Variants in LYST observed in about 807,000 individuals in gnomAD.
The protein encoded by LYST is lysosomal-trafficking regulator.
Under a neutral mutation model 413.6 loss-of-function variants are expected in LYST, and 192 were observed. The ratio of observed to expected loss-of-function variants is 0.46; its 90% CI spans 0.41 to 0.52. The LOEUF is 0.52. Ranked by LOEUF, LYST falls within the 20% of genes least tolerant of loss-of-function variation. The pLI, the probability that LYST is intolerant of heterozygous loss-of-function variation, is 0.00. For synonymous variants in LYST, 1,525 were observed against 1,567.3 expected (o/e 0.97, Z 0.64); for missense variants, 3,815 against 4,499.9 (o/e 0.85, Z 4.35).
chr1:235,772,212 G>GTGC (rs1471650769), intron 19 of LYST, among the ~76,000 whole-genome samples: 1 of 152,016 alleles, frequency 6.6e-6, no homozygotes, highest in African/African-American at 2.4e-5. Flanking sequence ...GTGACAGAGT[G>GTGC]TGCTCCTGTT....
chr1:235,733,528 G>C lies in LYST; in HGVS notation c.8776C>G (p.Leu2926Val). 2 of 1,613,974 alleles carry C rather than the reference G, an allele frequency of 1.2e-6. No individual in the cohort carries two copies. The highest frequency in any genetic ancestry group is 1.7e-6 in the Non-Finnish European group (2 of 1,179,934). ...DLSASRHWQE[L>V]IQQLTHDRAV... ...CTATCATGTGTCAGCTGCTGAATAA[G>C]TTCCTGCCAATGTCTGCTGGCACTC... Residue 2926 changes from leucine to valine, a missense_variant, in exon 34 of 53, where the codon CTT becomes GTT. Coordinates refer to ENST00000389793, the MANE Select transcript of LYST (RefSeq NM_000081.4).
At chr1:235,768,553 A>G (rs1668356906) in intron 20 of LYST, among the ~76,000 whole-genome samples, 1 of 152,108 alleles carries the variant, frequency 6.6e-6, no homozygotes, top group African/African-American at 2.4e-5. Context: ...AATGGCTGTT[A>G]ATTTGATAAG....
In LYST at chr1:235,717,892, A is replaced by AT. The variant is rs1008942971; in HGVS notation, c.9561-1115dup. Among the ~76,000 whole-genome samples, 679 of 144,454 alleles carry AT rather than the reference A, an allele frequency of 4.7e-3. 1 individual carries two copies. Among genetic ancestry groups the AT allele is most frequent in the African/African-American group, 0.014 (549 of 39,734 alleles). The allele number at this position is 144,454 out of a possible 152,430, so 94.8% of individuals were successfully genotyped here. A position where few individuals can be genotyped will look rare whatever the true frequency, so the allele number is the denominator to read the frequency against. On this transcript the variant is annotated intron_variant, in intron 40 of 52. Coordinates refer to ENST00000389793, the MANE Select transcript of LYST (RefSeq NM_000081.4). The stretch of plus-strand genomic sequence containing the variant: ...AAAATCACTTAAGATGGCTGCCTAC[A>AT]TTTTTTTTTTTTTCACTCTGGAGTG...
intron 50 of LYST, among the ~76,000 whole-genome samples, chr1:235,672,551 G>A (rs1659030791): frequency 6.6e-6 from 1 of 152,160 alleles, no homozygotes; most frequent in South Asian, 2.1e-4. Context: ...TGCTTTTTAA[G>A]TGAATGTGAT....
rs1262018602 is a variant in LYST at position 235,746,449 on chromosome 1, A to G, written c.7859T>C (p.Val2620Ala). The change falls in exon 29 of 53, where the codon GTG (valine) becomes GCG (alanine). Residue 2620 changes from valine to alanine, a missense_variant. Val to Ala is a moderately conservative substitution (Grantham distance 64). Around this residue, in one of 4 missense-constraint regions of LYST, gnomAD observed 771 missense variants for 837.1 expected, o/e 0.92. Transcript: ENST00000389793. Reference protein sequence around the residue: ...MRSVANDELHVMMQRRMSQEN... With the variant: ...MRSVANDELHAMMQRRMSQEN... ...TTGGCTCATTCTCCGTTGCATCATC[A>G]CATGAAGCTCATCATTTGCCACTGA... The G allele has an allele frequency of 1.2e-6, 2 of 1,613,742 alleles. No homozygotes were observed. The highest frequency in any genetic ancestry group is 2.7e-5 in the African/African-American group (2 of 75,012).
intron 50 of LYST, among the ~76,000 whole-genome samples, chr1:235,670,260 A>G (rs1238893508): frequency 6.6e-6 from 1 of 152,210 alleles, no homozygotes; most frequent in Non-Finnish European, 1.5e-5. Context: ...ACTCAAGCCA[A>G]TGGGGAGAGG....
intron 8 of LYST, 91 bp downstream of exon 8, chr1:235,802,817 C>A (rs1672393681): frequency 8.1e-7 from 1 of 1,235,476 alleles, no homozygotes; most frequent in South Asian, 1.2e-5. Context: ...TAAGGCAATA[C>A]AAAATTCTAA....
chr1:235,746,062 C>T (rs1483554303), intron 29 of LYST, among the ~76,000 whole-genome samples: 2 of 152,098 alleles, frequency 1.3e-5, no homozygotes, highest in Non-Finnish European at 2.9e-5. Context: ...CTGTATTATT[C>T]CTTAACTGCA....
chr1:235,780,905 A>C lies in LYST; in HGVS notation c.5174T>G (p.Leu1725Arg). The C allele has an allele frequency of 6.4e-7, 1 of 1,567,524 alleles. No individual in the cohort carries two copies. Among genetic ancestry groups the C allele is most frequent in the Non-Finnish European group, 8.7e-7 (1 of 1,150,294 alleles). The change falls in exon 16 of 53, where the codon CTT (leucine) becomes CGT (arginine). Residue 1725 changes from leucine (L) to arginine (R), a missense_variant. This residue lies in a region of LYST where 530 missense variants were observed against 696.5 expected (regional missense o/e 0.76). Coordinates refer to ENST00000389793, the MANE Select transcript of LYST (RefSeq NM_000081.4). ...ATCCACATCTTTCTTGGTCATAAAA[A>C]GTTCTCTGATTTGTTCACATCGCAA... is the stretch of plus-strand genomic sequence containing the variant. ...EILRCEQIRELFMTKKDVDIG... is the reference protein window; with the variant it reads ...EILRCEQIRERFMTKKDVDIG...
rs764334824 is a variant in LYST at position 235,787,391 on chromosome 1, A to G, written c.4689-18T>C. 6.2e-7 allele frequency: 1 copy of G among 1,609,888 alleles called. No individual in the cohort carries two copies. Among genetic ancestry groups the G allele is most frequent in the Non-Finnish European group, 8.5e-7 (1 of 1,176,486 alleles). The stretch of plus-strand genomic sequence containing the variant: ...TGCACACACTACAGAAAAAGAGAAA[A>G]GGCATAGGCTGAAAACATGAAAATT... On this transcript the variant is annotated intron_variant, in intron 13 of 52. Transcript: ENST00000389793.
chr1:235,830,931 T>C (rs1274067195), intron 2 of LYST, among the ~76,000 whole-genome samples: 1 of 152,168 alleles, frequency 6.6e-6, no homozygotes, highest in Non-Finnish European at 1.5e-5. Flanking sequence ...TAGCTAAAGT[T>C]ACGCCACTTC....
intron 43 of LYST, among the ~76,000 whole-genome samples, chr1:235,711,220 A>C (rs1035171640): frequency 1.3e-5 from 2 of 152,228 alleles, no homozygotes; most frequent in African/African-American, 2.4e-5. Context: ...GAAAACAAGG[A>C]GTAGATTTAA....
chr1:235,820,016 T>C (rs902513389), intron 3 of LYST, among the ~76,000 whole-genome samples: 2 of 152,258 alleles, frequency 1.3e-5, no homozygotes, highest in Admixed American at 6.5e-5. Context: ...AAATTCCCCA[T>C]AGAAACAACA....
intron 3 of LYST, 90 bp from the exon 4 acceptor site, chr1:235,813,151 C>A (rs1673643520): frequency 2.6e-6 from 2 of 770,496 alleles, no homozygotes; most frequent in African/African-American, 1.7e-5. Context: ...CCAAAAAATC[C>A]TTTTTCTTGA....
In LYST at chr1:235,709,205, C is replaced by A. The variant is rs1159830974; in HGVS notation, c.10029G>T (p.Gln3343His). The change falls in exon 44 of 53, where the codon CAG becomes CAT. Residue 3343 changes from glutamine (Q) to histidine (H), a missense_variant. Gln to His is a conservative substitution (Grantham distance 24, BLOSUM62 0). Around this residue, in one of 4 missense-constraint regions of LYST, gnomAD observed 866 missense variants for 1,156.0 expected, o/e 0.75. Transcript: ENST00000389793. ...GCGACACGTAGTCAGACTCTAGAGC[C>A]TGCCGATGGATGAGGATAAAAAGAC... ...DPRLFILIHR[Q>H]ALESDYVSQN... 6.2e-7 allele frequency: 1 copy of A among 1,614,154 alleles called. No individual in the cohort carries two copies. The highest frequency in any genetic ancestry group is 2.2e-5 in the East Asian group (1 of 44,884).
At chr1:235,833,146 C>A (rs1676180317) in intron 2 of LYST, among the ~76,000 whole-genome samples, 1 of 151,316 alleles carries the variant, frequency 6.6e-6, no homozygotes, top group Non-Finnish European at 1.5e-5. Flanking sequence ...GATGGGGACA[C>A]TTTTGCTTTG....
intron 31 of LYST, among the ~76,000 whole-genome samples, chr1:235,740,150 G>A (rs1665226796): frequency 6.6e-6 from 1 of 152,028 alleles, no homozygotes; most frequent in African/African-American, 2.4e-5. Flanking sequence ...TCTTAATACT[G>A]GAAAAAGCAC....
At chr1:235,694,466 T>C (rs1558124215) in intron 46 of LYST, among the ~76,000 whole-genome samples, 1 of 152,314 alleles carries the variant, frequency 6.6e-6, no homozygotes, top group East Asian at 1.9e-4. Context: ...GTACTGCCCT[T>C]GAAACTTGCA....
intron 1 of LYST, among the ~76,000 whole-genome samples, chr1:235,862,168 A>G (rs1407523786): frequency 1.3e-5 from 2 of 152,228 alleles, no homozygotes; most frequent in Non-Finnish European, 2.9e-5. Flanking sequence ...ATATGATATG[A>G]TATGACTGAC....
Sources: allele counts gnomAD v4.1 joint callset (sites outside exome capture counted in the v4.1 genomes callset), GRCh38; gene constraint gnomAD v4.1.1; regional missense constraint gnomAD v4.1.1; transcripts MANE v1.5; gene names NCBI Gene and HGNC (gene_info 2026-07-23, HGNC 2026-07-21).